DPH6: variants seen among roughly 807,000 people sequenced by gnomAD.
DPH6 encodes the protein diphthine--ammonia ligase.
In DPH6, 33 loss-of-function variants were observed where a neutral mutation model predicts 38.2. That is an observed-to-expected ratio of 0.86 (90% CI 0.65 to 1.15). The LOEUF (loss-of-function observed/expected upper bound fraction) is 1.15, where lower values mean the gene tolerates loss of function less well. Among genes scored for constraint, DPH6 ranks in the 50% most tolerant of loss-of-function variants. The probability of loss-of-function intolerance (pLI) is 0.00; values close to 1 mark genes in which losing one functional copy is unlikely to be tolerated. For synonymous variants in DPH6, 108 were observed against 103.0 expected (o/e 1.05, Z -0.30); for missense variants, 325 against 320.0 (o/e 1.02, Z -0.12).
intron 3 of DPH6, among the ~76,000 whole-genome samples, chr15:35,239,541 G>A (rs2051582225): frequency 7.0e-6 from 1 of 143,176 alleles, no homozygotes; most frequent in Admixed American, 7.5e-5. Context: ...TGGGGAAGGA[G>A]CAAGTACCCC....
intron 6 of DPH6, among the ~76,000 whole-genome samples, chr15:35,403,824 T>C (rs1462765083): frequency 6.9e-6 from 1 of 145,230 alleles, no homozygotes; most frequent in Non-Finnish European, 1.5e-5. Context: ...ATTCATTCCT[T>C]TTTTTTTTTT....
At chr15:35,499,137 A>G (rs1005943314) in intron 3 of DPH6, among the ~76,000 whole-genome samples, 2 of 151,982 alleles carry the variant, frequency 1.3e-5, no homozygotes, top group African/African-American at 4.8e-5. Context: ...CCATTTTTCT[A>G]AATTTGTCTC....
intron 3 of DPH6, among the ~76,000 whole-genome samples, chr15:35,536,669 A>C (rs1438026373): frequency 6.6e-6 from 1 of 152,010 alleles, no homozygotes; most frequent in Non-Finnish European, 1.5e-5. Context: ...TGTGATTTTT[A>C]AGCAACCCAA....
intron 3 of DPH6, among the ~76,000 whole-genome samples, chr15:35,296,829 G>A (rs936776271): frequency 9.5e-5 from 6 of 63,150 alleles, no homozygotes; most frequent in Non-Finnish European, 1.6e-4. Flanking sequence ...ACGGAGTCTC[G>A]CTCTGTCGCC....
chr15:35,534,644 A>G (rs2055141469), intron 3 of DPH6, among the ~76,000 whole-genome samples: 1 of 152,132 alleles, frequency 6.6e-6, no homozygotes, highest in Non-Finnish European at 1.5e-5. Context: ...TGAGATAGAA[A>G]ATACATTTAA....
chr15:35,511,447 G>C (rs190624591), intron 3 of DPH6, among the ~76,000 whole-genome samples: 1 of 152,234 alleles, frequency 6.6e-6, no homozygotes, highest in Non-Finnish European at 1.5e-5. Flanking sequence ...AGAGAAAAAG[G>C]AGAGGAAAAA....
At chr15:35,246,535 C>T (rs1030575292) in intron 3 of DPH6, among the ~76,000 whole-genome samples, 4 of 152,124 alleles carry the variant, frequency 2.6e-5, no homozygotes, top group African/African-American at 7.2e-5. Context: ...ATGGGATTAG[C>T]GCCAGACTGC....
chr15:35,178,161 C>T, the DPH6 span, among the ~76,000 whole-genome samples: 2 of 152,076 alleles, frequency 1.3e-5, no homozygotes, highest in Non-Finnish European at 2.9e-5. Flanking sequence ...ATTTCCTTTT[C>T]AAGACTAAAT....
intron 3 of DPH6, among the ~76,000 whole-genome samples, chr15:35,307,226 T>C (rs1219904223): frequency 2.0e-5 from 3 of 152,150 alleles, no homozygotes; most frequent in Non-Finnish European, 4.4e-5. Context: ...ATGGATATAG[T>C]GTGCCTCCTG....
chr15:35,226,878 G>A (rs1385805255), intron 3 of DPH6, among the ~76,000 whole-genome samples: 1 of 152,080 alleles, frequency 6.6e-6, no homozygotes, highest in Non-Finnish European at 1.5e-5. Flanking sequence ...CTATTTTTTG[G>A]AATACTTTAA....
chr15:35,473,370 T>A (rs371182216), intron 3 of DPH6, among the ~76,000 whole-genome samples: 7 of 152,242 alleles, frequency 4.6e-5, no homozygotes, highest in African/African-American at 1.7e-4. Context: ...CCAATCCACA[T>A]CATTCAATTA....
intron 3 of DPH6, among the ~76,000 whole-genome samples, chr15:35,347,832 T>C (rs903810679): frequency 1.3e-5 from 2 of 152,100 alleles, no homozygotes; most frequent in African/African-American, 2.4e-5. Flanking sequence ...TGTGTTTTTG[T>C]TGATTACCAT....
chr15:35,310,910 T>G (rs1416904983), intron 3 of DPH6, among the ~76,000 whole-genome samples: 5 of 148,112 alleles, frequency 3.4e-5, no homozygotes, highest in African/African-American at 1.2e-4. Flanking sequence ...AAAAAAAAAA[T>G]TATCCAGGCA....
chr15:35,246,249 G>A (rs575319602), intron 3 of DPH6, among the ~76,000 whole-genome samples: 5 of 152,280 alleles, frequency 3.3e-5, no homozygotes, highest in African/African-American at 1.2e-4. Context: ...TCACAGGGAC[G>A]CACGTGAAAG....
At chr15:35,466,421 C>G (rs1052101045) in intron 3 of DPH6, among the ~76,000 whole-genome samples, 1 of 152,080 alleles carries the variant, frequency 6.6e-6, no homozygotes, top group African/African-American at 2.4e-5. Context: ...TTAACCTGTT[C>G]AGAAGCTGCT....
intron 3 of DPH6, among the ~76,000 whole-genome samples, chr15:35,515,027 AGT>A (rs1056083577): frequency 3.3e-5 from 5 of 152,138 alleles, no homozygotes; most frequent in Non-Finnish European, 7.4e-5. Context: ...CCTAAAACTC[AGT>A]GTTAAGTCTT....
chr15:35,487,054 G>A (rs1194203600), intron 3 of DPH6, among the ~76,000 whole-genome samples: 3 of 152,162 alleles, frequency 2.0e-5, no homozygotes, highest in African/African-American at 4.8e-5. Context: ...TCCAGGGCAC[G>A]CTGATGCAAG....
chr15:35,356,507 G>T (rs950071641), intron 3 of DPH6, among the ~76,000 whole-genome samples: 2 of 152,178 alleles, frequency 1.3e-5, no homozygotes, highest in African/African-American at 4.8e-5. Context: ...TAACAGTCAG[G>T]ACCCTCAGCT....
At position 35,372,214 on chromosome 15, in the gene DPH6, AAG is replaced by A; in HGVS notation, c.751-13_751-12del. The stretch of plus-strand genomic sequence containing the variant: ...AGGCACTGAGGACACCTAAAAAAAA[AAG>A]GGAAGGAAAGGGAAGGAAAATGCAC... On this transcript the variant is annotated splice_polypyrimidine_tract_variant and intron_variant, in intron 8 of 8. Coordinates refer to ENST00000256538, the MANE Select transcript of DPH6 (RefSeq NM_080650.4). 1 of 1,482,386 alleles carries A rather than the reference AAG, an allele frequency of 6.7e-7. No homozygotes were observed. Among genetic ancestry groups the A allele is most frequent in the Non-Finnish European group, 8.9e-7 (1 of 1,117,544 alleles). The allele number at this position is 1,482,386 out of a possible 1,614,324, so 91.8% of individuals were successfully genotyped here.
Sources: allele counts gnomAD v4.1 joint callset (sites outside exome capture counted in the v4.1 genomes callset), GRCh38; gene constraint gnomAD v4.1.1; transcripts MANE v1.5; gene names NCBI Gene and HGNC (gene_info 2026-07-23, HGNC 2026-07-21).